The following EXOSC10 variants were observed in gnomAD, a reference collection of about 807,000 sequenced individuals.
EXOSC10 encodes the protein exosome complex component 10.
EXOSC10 carries 94 observed loss-of-function variants against 126.6 expected under a neutral mutation model. The observed-to-expected ratio is 0.74, with a 90% CI of 0.63 to 0.88. The LOEUF (loss-of-function observed/expected upper bound fraction) is 0.88, where lower values mean the gene tolerates loss of function less well. Ranked by LOEUF, EXOSC10 falls within the 40% of genes least tolerant of loss-of-function variation. The pLI is 0.00. For missense variants in EXOSC10, 1,041 were observed against 1,100.5 expected (o/e 0.95, Z 0.77); for synonymous variants, 395 against 400.8 (o/e 0.99, Z 0.17).
At chr1:11,071,419 T>A (rs1639480177) in intron 20 of EXOSC10, 1 of 187,460 alleles carries the variant, frequency 5.3e-6, no homozygotes, top group South Asian at 1.2e-4. Flanking sequence ...GCTGTCAGCT[T>A]TGCTATGGGA....
chr1:11,073,344 G>T (rs1639618968), intron 19 of EXOSC10, among the ~76,000 whole-genome samples: 1 of 152,012 alleles, frequency 6.6e-6, no homozygotes, highest in South Asian at 2.1e-4. Flanking sequence ...ATGTTAGCCA[G>T]GATGGTTTCG....
At chr1:11,092,277 C>T (rs943818524) in intron 3 of EXOSC10, among the ~76,000 whole-genome samples, 2 of 151,816 alleles carry the variant, frequency 1.3e-5, no homozygotes, top group African/African-American at 2.4e-5. Context: ...AGTGTAATGG[C>T]GTGATCTCAG....
Position 11,081,069 on chromosome 1 carries a change from G to A in EXOSC10, c.1437+13C>T, listed in dbSNP as rs1372643095. 4.3e-6 allele frequency: 7 copies of A among 1,613,680 alleles called. No individual in the cohort carries two copies. The highest frequency in any genetic ancestry group is 1.7e-5 in the Admixed American group (1 of 59,984). On this transcript the variant is annotated intron_variant, in intron 11 of 24. Transcript: ENST00000376936. ...CAAGTGTCGCGGTCTGTGTGACTGC[G>A]GCTGAGGTGTACCTTGAGGCAGATG... is the stretch of plus-strand genomic sequence containing the variant.
intron 2 of EXOSC10, among the ~76,000 whole-genome samples, chr1:11,097,380 A>AAAAAAT (rs112507542): frequency 0.02 from 3,023 of 151,054 alleles, 122 homozygotes; most frequent in African/African-American, 0.071. Flanking sequence ...TCCATCTCAA[A>AAAAAAT]AAAAATAAAA....
intron 5 of EXOSC10, 78 bp from the exon 6 acceptor site, chr1:11,090,746 C>T (rs112345716): frequency 1.2e-5 from 14 of 1,187,906 alleles, no homozygotes; most frequent in African/African-American, 3.1e-5. Context: ...AACTGGTTCC[C>T]TTTGTTTTTT....
chr1:11,091,207 T>C (rs776830497), intron 4 of EXOSC10, 28 bp from the exon 5 acceptor site: 6 of 1,586,334 alleles, frequency 3.8e-6, no homozygotes, highest in South Asian at 2.3e-5. Context: ...AAATACTTTA[T>C]AACACAGCAA....
At chr1:11,083,680 G>A (rs1400339325) in intron 9 of EXOSC10, among the ~76,000 whole-genome samples, 1 of 151,698 alleles carries the variant, frequency 6.6e-6, no homozygotes, top group Non-Finnish European at 1.5e-5. Context: ...ACAATGTGCA[G>A]GTTAGTTACA....
intron 22 of EXOSC10, 31 bp from the exon 23 acceptor site, chr1:11,068,737 GT>G (rs776841742): frequency 1.3e-6 from 2 of 1,580,836 alleles, no homozygotes; most frequent in South Asian, 2.2e-5. Flanking sequence ...GAGACCTGCG[GT>G]CAGGTCAATG....
In EXOSC10 at chr1:11,090,997, A is replaced by C. The variant is rs769316260; in HGVS notation, c.643+17T>G. On this transcript the variant is annotated intron_variant, in intron 5 of 24. Transcript: ENST00000376936. ...ATAAAGTGAGACTCAAACACAGGCA[A>C]AGTATGCACTATTTACCTTGAGGGA... The C allele has an allele frequency of 1.9e-6, 3 of 1,609,866 alleles. No homozygotes were observed. In the Admixed American group the frequency reaches 5.1e-5, roughly 27 times the overall value.
chr1:11,094,657 G>C (rs1332166646), intron 3 of EXOSC10, among the ~76,000 whole-genome samples: 1 of 142,720 alleles, frequency 7.0e-6, no homozygotes. Context: ...CTGGAGTGCA[G>C]TGGCATGATC....
chr1:11,080,592 ACACACACACACACG>A (rs777820473), intron 12 of EXOSC10, 43 bp from the exon 13 acceptor site: 1,329 of 1,582,092 alleles, frequency 8.4e-4, no homozygotes, highest in East Asian at 5.8e-3. Context: ...ACACACACAC[ACACACACACACACG>A]GTGGGGACAC....
Position 11,069,576 on chromosome 1 carries a change from T to A in EXOSC10, c.2471A>T (p.Asp824Val). ...EFTPYDYSQS[D>V]FKAFAGNSKS... ...TTCCTCACCAGCAAAAGCCTTGAAG[T>A]CTGACTGGCTGTAGTCGTAAGGCGT... is the stretch of plus-strand genomic sequence containing the variant. Residue 824 changes from aspartate (D) to valine (V), a missense_variant, in exon 22 of 25, where the codon GAC becomes GTC. Physicochemically the swap from Asp to Val is radical, Grantham distance 152 (BLOSUM62 -3). This residue lies in a region of EXOSC10 where 388 missense variants were observed against 415.2 expected (regional missense o/e 0.93). Coordinates refer to ENST00000376936, the MANE Select transcript of EXOSC10 (RefSeq NM_001001998.3). 1.2e-6 allele frequency: 2 copies of A among 1,613,264 alleles called. No individual in the cohort carries two copies. The highest frequency in any genetic ancestry group is 1.3e-5 in the African/African-American group (1 of 74,832).
rs770101537 is a variant in EXOSC10, at chr1:11,070,950, C to T, written c.2266G>A (p.Ala756Thr). 1 of 1,614,110 alleles carries T rather than the reference C, an allele frequency of 6.2e-7. No homozygotes were observed. The highest frequency in any genetic ancestry group is 2.2e-5 in the East Asian group (1 of 44,886). Reference sequence around the variant, plus strand: ...GCCTGTTCTGCTGCAGCTTTGCACGCCTCCTTTGCCTGTTCCCGGGCAGCT... The same window carrying T: ...GCCTGTTCTGCTGCAGCTTTGCACGTCTCCTTTGCCTGTTCCCGGGCAGCT... ...QTAAREQAKE[A>T]CKAAAEQAIS... Residue 756 changes from alanine to threonine, a missense_variant, in exon 21 of 25, where the codon GCG becomes ACG. Physicochemically the swap from Ala to Thr is moderately conservative, Grantham distance 58. Around this residue, in one of 3 missense-constraint regions of EXOSC10, gnomAD observed 388 missense variants for 415.2 expected, o/e 0.93. Coordinates refer to ENST00000376936, the MANE Select transcript of EXOSC10 (RefSeq NM_001001998.3).
chr1:11,092,622 A>C (rs1640869381), intron 3 of EXOSC10, among the ~76,000 whole-genome samples: 1 of 151,206 alleles, frequency 6.6e-6, no homozygotes, highest in African/African-American at 2.4e-5. Context: ...GGTTCAAGCA[A>C]TTCTCATGCC....
intron 17 of EXOSC10, among the ~76,000 whole-genome samples, chr1:11,075,267 C>T (rs953446463): frequency 1.3e-5 from 2 of 152,180 alleles, no homozygotes; most frequent in African/African-American, 4.8e-5. Context: ...GATATGCCCG[C>T]CTTGCCCTCC....
chr1:11,081,481 G>T (rs1049960381), intron 10 of EXOSC10, among the ~76,000 whole-genome samples: 6 of 152,200 alleles, frequency 3.9e-5, no homozygotes, highest in African/African-American at 1.4e-4. Context: ...AGCTACTCTG[G>T]ACACACACAA....
At chr1:11,092,338 C>T (rs1212150744) in intron 3 of EXOSC10, among the ~76,000 whole-genome samples, 1 of 152,114 alleles carries the variant, frequency 6.6e-6, no homozygotes, top group Admixed American at 6.6e-5. Flanking sequence ...CCTCAGCCTC[C>T]CAAGTAATTG....
rs577455335 is a variant in EXOSC10 at position 11,088,669 on chromosome 1, C to T, written c.759-471G>A. On this transcript the variant is annotated intron_variant, in intron 6 of 24. Coordinates refer to ENST00000376936, the MANE Select transcript of EXOSC10 (RefSeq NM_001001998.3). Reference sequence around the variant, plus strand: ...GTGTGTTCCTCGAGGATCACGGTAGCCCAGGAGGGCAGGGCTGCCTTTCAT... The same window carrying T: ...GTGTGTTCCTCGAGGATCACGGTAGTCCAGGAGGGCAGGGCTGCCTTTCAT... 9.7e-4 allele frequency among the ~76,000 whole-genome samples: 148 copies of T among 152,278 alleles called. 1 individual carries two copies. Among genetic ancestry groups the T allele is most frequent in the South Asian group, 5.0e-3 (24 of 4,824 alleles).
intron 13 of EXOSC10, 137 bp from the exon 14 acceptor site, chr1:11,079,959 G>A: frequency 1.4e-6 from 1 of 702,330 alleles, no homozygotes. Flanking sequence ...AGGAAACACT[G>A]ATGTCAGGCC....
Sources: allele counts gnomAD v4.1 joint callset (sites outside exome capture counted in the v4.1 genomes callset), GRCh38; gene constraint gnomAD v4.1.1; regional missense constraint gnomAD v4.1.1; transcripts MANE v1.5; gene names NCBI Gene and HGNC (gene_info 2026-07-23, HGNC 2026-07-21).